Variants in GSE1 observed in about 807,000 individuals in gnomAD.
The protein encoded by GSE1 is Gse1 coiled-coil protein, also known as genetic suppressor element 1.
In GSE1, 32 loss-of-function variants were observed where a neutral mutation model predicts 112.6. The ratio of observed to expected loss-of-function variants is 0.28; its 90% CI spans 0.21 to 0.38. GSE1 has a LOEUF of 0.38. GSE1 is among the 10% of genes least tolerant of loss of function. The pLI is 1.00. For synonymous variants in GSE1, 1,115 were observed against 735.6 expected, an observed-to-expected ratio of 1.52 and a Z score of -8.35; for missense variants, 2,348 against 1,699.2, an observed-to-expected ratio of 1.38 and a Z score of -6.71.
chr16:85,639,877 C>T (rs2050300931), intron 2 of GSE1, among the ~76,000 whole-genome samples: 1 of 152,232 alleles, frequency 6.6e-6, no homozygotes, highest in African/African-American at 2.4e-5. Context: ...TCTGCCAAGG[C>T]GGCCGGGGGC....
chr16:85,277,324 C>G (rs546181639), intron 1 of GSE1, among the ~76,000 whole-genome samples: 12 of 152,128 alleles, frequency 7.9e-5, no homozygotes, highest in African/African-American at 2.9e-4. Context: ...GTTGGGGTGC[C>G]TTGGAGCCCT....
chr16:85,486,397 C>T (rs2050840566), intron 2 of GSE1, among the ~76,000 whole-genome samples: 1 of 152,252 alleles, frequency 6.6e-6, no homozygotes, highest in Non-Finnish European at 1.5e-5. Context: ...CCTGTTCTCC[C>T]CGGCGTTGCC....
intron 2 of GSE1, among the ~76,000 whole-genome samples, chr16:85,468,642 C>T (rs2050194511): frequency 6.6e-6 from 1 of 152,192 alleles, no homozygotes; most frequent in South Asian, 2.1e-4. Flanking sequence ...CCTTCTGTGC[C>T]TGTGCCACCC....
intron 2 of GSE1, among the ~76,000 whole-genome samples, chr16:85,451,976 C>G (rs2049696646): frequency 6.6e-6 from 1 of 152,046 alleles, no homozygotes; most frequent in Non-Finnish European, 1.5e-5. Flanking sequence ...CCCCCCTCAC[C>G]GAGTTTCTGG....
rs537228870 is a variant in GSE1 at position 85,176,871 on chromosome 16, C to T, written c.2283+5064C>T. Reference sequence around the variant, plus strand: ...CATGCTTCCTGACTATCTGCGCCCACGCAGTTCCCTGCTCCTCAGGGGGCC... The same window carrying T: ...CATGCTTCCTGACTATCTGCGCCCATGCAGTTCCCTGCTCCTCAGGGGGCC... On this transcript the variant is annotated intron_variant, in intron 1 of 2. Transcript: ENST00000637419. Among the ~76,000 whole-genome samples, 7 of 152,382 alleles carry T rather than the reference C, an allele frequency of 4.6e-5. No homozygotes were observed. The East Asian group carries it at 5.8e-4, about 13-fold the overall frequency.
chr16:85,654,658 C>T (rs1259015754), intron 4 of GSE1, 136 bp from the exon 5 acceptor site: 3 of 732,386 alleles, frequency 4.1e-6, no homozygotes, highest in African/African-American at 1.7e-5. Flanking sequence ...TGCTTAAGCC[C>T]CGTCCTCGTT....
intron 1 of GSE1, among the ~76,000 whole-genome samples, chr16:85,357,086 G>C (rs937029655): frequency 2.0e-5 from 3 of 152,234 alleles, no homozygotes; most frequent in Non-Finnish European, 2.9e-5. Context: ...GACAGGACAA[G>C]GCTGGACCTT....
intron 1 of GSE1, among the ~76,000 whole-genome samples, chr16:85,622,194 G>A (rs1482818043): frequency 6.6e-6 from 1 of 152,314 alleles, no homozygotes; most frequent in East Asian, 1.9e-4. Context: ...GACTCCTGGC[G>A]CATGACTGTT....
chr16:85,638,109 G>A lies in GSE1; in HGVS notation c.226+3977G>A, dbSNP rs1187309009. Among the ~76,000 whole-genome samples, 5 of 152,322 alleles carry A rather than the reference G, an allele frequency of 3.3e-5. No individual in the cohort carries two copies. The South Asian group carries it at 6.2e-4, about 19-fold the overall frequency. On this transcript the variant is annotated intron_variant, in intron 2 of 15. Coordinates refer to ENST00000253458, the MANE Select transcript of GSE1 (RefSeq NM_014615.5). ...ACCCTGACCCTCCTCTCCAGTGCAC[G>A]CCTGACGACTTCTGGAAGTGCCTCT... is the stretch of plus-strand genomic sequence containing the variant.
At chr16:85,248,474 C>T (rs959874260) in intron 1 of GSE1, among the ~76,000 whole-genome samples, 3 of 151,964 alleles carry the variant, frequency 2.0e-5, no homozygotes, top group African/African-American at 7.3e-5. Flanking sequence ...CTTTTTCCCT[C>T]CGTCTTTCTC....
chr16:85,292,036 C>T (rs2968430), intron 1 of GSE1, among the ~76,000 whole-genome samples: 1 of 152,090 alleles, frequency 6.6e-6, no homozygotes, highest in African/African-American at 2.4e-5. Flanking sequence ...TGCCGCCCCC[C>T]ATATTCCCAG....
At chr16:85,524,231 C>T (rs947476080) in intron 2 of GSE1, among the ~76,000 whole-genome samples, 5 of 152,120 alleles carry the variant, frequency 3.3e-5, no homozygotes, top group African/African-American at 1.2e-4. Context: ...CTTTGGATGT[C>T]AGCAGAGGTG....
chr16:85,519,993 C>T (rs528493523), intron 2 of GSE1, among the ~76,000 whole-genome samples: 2 of 152,242 alleles, frequency 1.3e-5, no homozygotes, highest in South Asian at 4.1e-4. Context: ...GGGCTTCTGG[C>T]CCTTCTGGGT....
Position 85,672,626 on chromosome 16 carries a change from G to T in GSE1, c.*87G>T. ...AATATTTAATATTTTTCACTGGGAG[G>T]TTTGAAGCTTACAAAATGAGAATGT... On this transcript the variant is annotated 3_prime_UTR_variant, in exon 16 of 16. Transcript: ENST00000253458. The T allele has an allele frequency of 2.1e-6, 2 of 965,496 alleles. No individual in the cohort carries two copies. Among genetic ancestry groups the T allele is most frequent in the Non-Finnish European group, 2.9e-6 (2 of 690,218 alleles). The allele number at this position is 965,496 out of a possible 1,614,324, so 59.8% of individuals were successfully genotyped here. A position where few individuals can be genotyped will look rare whatever the true frequency, so the allele number is the denominator to read the frequency against.
chr16:85,632,412 A>G (rs1429396603), intron 1 of GSE1, among the ~76,000 whole-genome samples: 1 of 151,556 alleles, frequency 6.6e-6, no homozygotes, highest in East Asian at 1.9e-4. Flanking sequence ...CCAAAGAATT[A>G]TTTTCTCCCT....
At chr16:85,262,932 A>G (rs1907856865) in intron 1 of GSE1, among the ~76,000 whole-genome samples, 2 of 152,218 alleles carry the variant, frequency 1.3e-5, no homozygotes, top group Non-Finnish European at 2.9e-5. Flanking sequence ...GGCTCAGAGG[A>G]TAGAGCAGTG....
At chr16:85,640,081 C>T (rs1014977335) in intron 2 of GSE1, among the ~76,000 whole-genome samples, 1 of 152,214 alleles carries the variant, frequency 6.6e-6, no homozygotes, top group Non-Finnish European at 1.5e-5. Context: ...GTCTGGAGGA[C>T]AGTTCTGAGC....
chr16:85,669,117 C>T (rs2053121687), intron 14 of GSE1, among the ~76,000 whole-genome samples: 1 of 152,256 alleles, frequency 6.6e-6, no homozygotes, highest in Admixed American at 6.5e-5. Context: ...TACTGCACAC[C>T]ACCTTCTGCC....
At chr16:85,318,527 A>T (rs961136676) in intron 1 of GSE1, among the ~76,000 whole-genome samples, 3 of 152,140 alleles carry the variant, frequency 2.0e-5, no homozygotes, top group African/African-American at 7.2e-5. Flanking sequence ...GGCCTCCCAA[A>T]GTGCTGGGAT....
Sources: gnomAD v4.1 joint callset for allele counts (sites outside exome capture counted in the v4.1 genomes callset) on GRCh38, gnomAD v4.1.1 for gene constraint, MANE v1.5 for transcripts, NCBI Gene and HGNC (gene_info 2026-07-23, HGNC 2026-07-21) for gene names.